The following PDE4DIP variants were observed in gnomAD, a reference collection of about 807,000 sequenced individuals.
PDE4DIP encodes phosphodiesterase 4D interacting protein, also known as myomegalin.
PDE4DIP carries 59 observed loss-of-function variants against 221.4 expected under a neutral mutation model. The observed-to-expected ratio is 0.27, with a 90% CI of 0.22 to 0.33. The LOEUF is 0.33. Ranked by LOEUF, PDE4DIP falls within the 10% of genes least tolerant of loss-of-function variation. PDE4DIP has a pLI of 1.00. For synonymous variants in PDE4DIP, 404 were observed against 815.9 expected (o/e 0.50, Z 8.60); for missense variants, 1,036 against 2,154.2 (o/e 0.48, Z 10.28).
chr1:148,996,334 T>A (rs2064213101), intron 22 of PDE4DIP, among the ~76,000 whole-genome samples: 1 of 152,206 alleles, frequency 6.6e-6, no homozygotes, highest in Non-Finnish European at 1.5e-5. Flanking sequence ...AATGACAACA[T>A]CACATAGTTT....
intron 29 of PDE4DIP, chr1:149,009,358 C>T (rs2067903709): frequency 1.7e-6 from 1 of 581,036 alleles, no homozygotes; most frequent in Non-Finnish European, 3.0e-6. Context: ...TGCTTGTCCT[C>T]AGCATATTAT....
At chr1:148,970,264 GTCCTGC>G (rs1487346928) in intron 14 of PDE4DIP, among the ~76,000 whole-genome samples, 1 of 147,544 alleles carries the variant, frequency 6.8e-6, no homozygotes, top group Non-Finnish European at 1.5e-5. Flanking sequence ...TTCTAGAAAG[GTCCTGC>G]TGTGTGCTTC....
intron 35 of PDE4DIP, among the ~76,000 whole-genome samples, chr1:149,019,757 G>C (rs1343925239): frequency 6.6e-6 from 1 of 152,136 alleles, no homozygotes; most frequent in Admixed American, 6.5e-5. Flanking sequence ...GAGAAGTGCT[G>C]CAAGTTCAAA....
At chr1:149,010,246 G>A (rs74432883) in intron 30 of PDE4DIP, among the ~76,000 whole-genome samples, 197 bp from the exon 34 acceptor site, 4 of 152,030 alleles carry the variant, frequency 2.6e-5, no homozygotes, top group African/African-American at 4.8e-5. Context: ...TCAGAGCACC[G>A]CTGTCATCCC....
At chr1:148,952,142 G>T in intron 5 of PDE4DIP, 1 of 1,031,942 alleles carries the variant, frequency 9.7e-7, no homozygotes, top group Non-Finnish European at 1.2e-6. Flanking sequence ...GAGGGCACTG[G>T]TGCGACTTTC....
intron 5 of PDE4DIP, chr1:148,953,740 T>C: frequency 6.9e-7 from 1 of 1,458,846 alleles, no homozygotes; most frequent in Admixed American, 1.8e-5. Context: ...CCAGCCTACC[T>C]GGAGCCAAGC....
chr1:148,954,775 G>A (rs1257917051), intron 5 of PDE4DIP, among the ~76,000 whole-genome samples: 1 of 151,878 alleles, frequency 6.6e-6, no homozygotes, highest in Non-Finnish European at 1.5e-5. Context: ...TATAGCAACA[G>A]TAAATGCTAG....
chr1:149,028,164 G>A lies in PDE4DIP; in HGVS notation c.6670-396G>A, dbSNP rs199747429. ...GGAGACCCATGGATGCGTAGGGACA[G>A]CCCTGCCTCCACGGAGCCCCCACAC... is the stretch of plus-strand genomic sequence containing the variant. On this transcript the variant is annotated intron_variant, in intron 40 of 43. Transcript: ENST00000369354. Among the ~76,000 whole-genome samples the A allele has an allele frequency of 9.5e-3, 1,439 of 152,040 alleles. 24 individuals are homozygous for A. Among genetic ancestry groups the A allele is most frequent in the East Asian group, 0.035 (180 of 5,136 alleles).
chr1:148,970,933 A>G (rs2059099224), intron 14 of PDE4DIP, among the ~76,000 whole-genome samples: 2 of 152,170 alleles, frequency 1.3e-5, no homozygotes, highest in South Asian at 4.1e-4. Flanking sequence ...TTGTGACAAG[A>G]GCTCAGCTTC....
intron 41 of PDE4DIP, among the ~76,000 whole-genome samples, chr1:149,029,096 T>A (rs1287561493): frequency 6.6e-6 from 1 of 152,188 alleles, no homozygotes; most frequent in African/African-American, 2.4e-5. Context: ...GGTTAAATGA[T>A]CACAGAATGC....
At chr1:148,934,988 C>A (rs1293078825) in intron 4 of PDE4DIP, among the ~76,000 whole-genome samples, 1 of 151,952 alleles carries the variant, frequency 6.6e-6, no homozygotes, top group Non-Finnish European at 1.5e-5. Context: ...CTTTGGGAGG[C>A]CGAGGCGGGC....
chr1:148,927,029 CAACA>C (rs1281403584), intron 1 of PDE4DIP, among the ~76,000 whole-genome samples: 1 of 148,602 alleles, frequency 6.7e-6, no homozygotes, highest in Non-Finnish European at 1.5e-5. Flanking sequence ...TTCAGATAAA[CAACA>C]AACAATGTTT....
At chr1:148,934,856 A>G (rs1434072083) in intron 4 of PDE4DIP, among the ~76,000 whole-genome samples, 1 of 152,026 alleles carries the variant, frequency 6.6e-6, no homozygotes, top group African/African-American at 2.4e-5. Context: ...CGCCTGCCTC[A>G]GCCTCCCAAA....
At chr1:148,826,479 C>T (rs9661080) in intron 1 of PDE4DIP, among the ~76,000 whole-genome samples, 1 of 94,106 alleles carries the variant, frequency 1.1e-5, no homozygotes, top group Non-Finnish European at 2.1e-5. Flanking sequence ...CAGGCTGGAG[C>T]GCAGTAGCAC....
intron 1 of PDE4DIP, among the ~76,000 whole-genome samples, chr1:148,926,916 G>T (rs1303720687): frequency 1.4e-5 from 2 of 143,032 alleles, no homozygotes; most frequent in African/African-American, 5.2e-5. Context: ...AGAGATCTTA[G>T]ACTTGTTCTT....
At chr1:148,954,375 A>G (rs2054587679) in intron 5 of PDE4DIP, among the ~76,000 whole-genome samples, 1 of 152,022 alleles carries the variant, frequency 6.6e-6, no homozygotes, top group Admixed American at 6.6e-5. Flanking sequence ...CATCCGCAAA[A>G]TGCCTGTAAA....
At chr1:149,016,972 G>T (rs587659361) in intron 33 of PDE4DIP, among the ~76,000 whole-genome samples, 1 of 152,354 alleles carries the variant, frequency 6.6e-6, no homozygotes, top group African/African-American at 2.4e-5. Context: ...TTCAGTCACA[G>T]CAAGTGGAGA....
intron 30 of PDE4DIP, 37 bp from the exon 34 acceptor site, chr1:149,010,406 A>G: frequency 1.9e-6 from 3 of 1,604,154 alleles, no homozygotes; most frequent in Non-Finnish European, 2.6e-6. Flanking sequence ...TTCTCTGTAG[A>G]ACATCATACG....
rs782544605 is a variant in PDE4DIP, at chr1:149,010,561, G to T, written c.5046G>T (p.Gln1682His). Residue 1682 changes from glutamine (Q) to histidine (H), a missense_variant, in exon 31 of 44, where the codon CAG (glutamine) becomes CAT (histidine). Coordinates refer to ENST00000369354, the Ensembl canonical transcript of PDE4DIP. ...ACCCCATCAGCTTGCCAACTCCCCA[G>T]AATACCCCCAAGGAGGCCAACCAGG... is the stretch of plus-strand genomic sequence containing the variant. 2.5e-6 allele frequency: 4 copies of T among 1,614,072 alleles called. No homozygotes were observed. In the East Asian group the frequency reaches 8.9e-5, roughly 36 times the overall value.
Sources: allele counts gnomAD v4.1 joint callset (sites outside exome capture counted in the v4.1 genomes callset), GRCh38; gene constraint gnomAD v4.1.1; transcripts MANE v1.5; gene names NCBI Gene and HGNC (gene_info 2026-07-23, HGNC 2026-07-21).